The following EVL variants were observed in gnomAD, a reference collection of about 807,000 sequenced individuals.
EVL encodes Enah/Vasp-like.
A neutral mutation model predicts 59.6 loss-of-function variants in EVL; 21 were observed. The observed-to-expected ratio is 0.35, with a 90% confidence interval of 0.25 to 0.51. The LOEUF is 0.51. Among genes scored for constraint, EVL ranks in the 20% least tolerant of loss-of-function variants. EVL has a pLI of 0.97. For synonymous variants in EVL, 198 were observed against 203.5 expected, an observed-to-expected ratio of 0.97 and a Z score of 0.23; for missense variants, 462 against 546.6, an observed-to-expected ratio of 0.85 and a Z score of 1.54.
chr14:100,050,967 C>T (rs565452803), intron 1 of EVL, among the ~76,000 whole-genome samples: 3 of 149,746 alleles, frequency 2.0e-5, no homozygotes, highest in South Asian at 4.3e-4. Context: ...AGGCTGGTCT[C>T]GAACTCCTGC....
At chr14:100,083,963 A>G (rs1021201448) in intron 1 of EVL, among the ~76,000 whole-genome samples, 2 of 152,002 alleles carry the variant, frequency 1.3e-5, no homozygotes, top group Admixed American at 6.6e-5. Flanking sequence ...CTTTTTTCTC[A>G]TCTAAAAAAA....
At chr14:100,140,027 G>GCTCA in intron 11 of EVL, 1 of 152,246 alleles carries the variant, frequency 6.6e-6, no homozygotes, top group Non-Finnish European at 1.5e-5. Flanking sequence ...GCCGAGGCGG[G>GCTCA]AGGATCACTT....
Position 100,128,746 on chromosome 14 carries a change from C to A in EVL, c.715C>A (p.Arg239=). 1.9e-6 allele frequency: 3 copies of A among 1,603,678 alleles called. No individual in the cohort carries two copies. The highest frequency in any genetic ancestry group is 2.5e-6 in the Non-Finnish European group (3 of 1,179,470). ...IAGAKLRRVQ[R]PEDASGGSSP... Reference sequence around the variant, plus strand: ...TGGGGCCAAGCTGAGAAGAGTCCAACGGGTAAGAGCTCCTGTGTGCGGGGT... The same window carrying A: ...TGGGGCCAAGCTGAGAAGAGTCCAAAGGGTAAGAGCTCCTGTGTGCGGGGT... The change falls in exon 6 of 14, where the codon CGG becomes AGG. Residue 239 remains arginine (R), a splice_region_variant and synonymous_variant. Transcript: ENST00000392920.
At chr14:100,077,712 G>C (rs2062193978) in intron 1 of EVL, among the ~76,000 whole-genome samples, 1 of 152,162 alleles carries the variant, frequency 6.6e-6, no homozygotes, top group Admixed American at 6.5e-5. Flanking sequence ...CTAAATGGGG[G>C]CCTAGGGATT....
At chr14:100,100,784 C>CAAAA (rs60820079) in intron 3 of EVL, among the ~76,000 whole-genome samples, 2 of 47,672 alleles carry the variant, frequency 4.2e-5, no homozygotes, top group Admixed American at 2.2e-4. Flanking sequence ...GAGTCTGTCT[C>CAAAA]AAAAAAAAAA....
At chr14:99,993,547 T>G (rs1386998162) in intron 1 of EVL, among the ~76,000 whole-genome samples, 2 of 152,000 alleles carry the variant, frequency 1.3e-5, no homozygotes, top group African/African-American at 2.4e-5. Flanking sequence ...TTCGGAAGAG[T>G]TTGAGGATTG....
At position 100,127,692 on chromosome 14, in the gene EVL, G is replaced by A. The variant is rs760811032; in HGVS notation, c.488-827G>A. 4.6e-5 allele frequency among the ~76,000 whole-genome samples: 7 copies of A among 152,052 alleles called. No homozygotes were observed. Among genetic ancestry groups the A allele is most frequent in the African/African-American group, 7.3e-5 (3 of 41,370 alleles). ...TCACCTAACTGAACCCCTGCTCTCC[G>A]GTCGTGTCCCAGCTCCACAGTCACT... On this transcript the variant is annotated intron_variant, in intron 5 of 13. Coordinates refer to ENST00000392920, the MANE Select transcript of EVL (RefSeq NM_016337.3). This position sits in a 1 kb window ranked among gnomAD's most constrained non-coding sequence, Gnocchi z 4.2.
chr14:100,043,267 A>ATATATATATGTGTGTGTG (rs1365822780), intron 1 of EVL, among the ~76,000 whole-genome samples: 2 of 145,600 alleles, frequency 1.4e-5, no homozygotes, highest in Admixed American at 6.8e-5. Flanking sequence ...GTGTGTGTGT[A>ATATATATATGTGTGTGTG]TATATATATG....
intron 1 of EVL, among the ~76,000 whole-genome samples, chr14:100,045,350 C>T (rs1438058921): frequency 6.6e-6 from 1 of 152,286 alleles, no homozygotes; most frequent in African/African-American, 2.4e-5. Flanking sequence ...GCCTTGTTAT[C>T]GCACCTGCCA....
At chr14:100,102,686 C>T (rs1262374565) in intron 3 of EVL, among the ~76,000 whole-genome samples, 1 of 152,172 alleles carries the variant, frequency 6.6e-6, no homozygotes, top group African/African-American at 2.4e-5. Context: ...GTTTTTCTCC[C>T]ATGCTGGCCC....
chr14:100,031,136 TG>T (rs1301159584), intron 1 of EVL, among the ~76,000 whole-genome samples: 1 of 152,184 alleles, frequency 6.6e-6, no homozygotes, highest in Non-Finnish European at 1.5e-5. Context: ...ACTTTCAACT[TG>T]GGAAATCTAT....
rs1232657375 is a variant in EVL at position 99,972,438 on chromosome 14, C to T, written c.5+381C>T. ...CGCGAGGACCGAAGTTGGCGGAAGCCCCTGTGCGGTGCCTTCCAGCCCGGA... is the reference window on the plus strand; with the variant it reads ...CGCGAGGACCGAAGTTGGCGGAAGCTCCTGTGCGGTGCCTTCCAGCCCGGA... On this transcript the variant is annotated intron_variant, in intron 1 of 13. Transcript: ENST00000402714. The surrounding 1 kb of genome is among the most constrained non-coding windows in gnomAD (Gnocchi z 4.4). Among the ~76,000 whole-genome samples, 1 of 152,104 alleles carries T rather than the reference C, an allele frequency of 6.6e-6. No homozygotes were observed. The highest frequency in any genetic ancestry group is 2.4e-5 in the African/African-American group (1 of 41,420).
At chr14:100,028,069 A>G (rs1353483590) in intron 1 of EVL, among the ~76,000 whole-genome samples, 1 of 151,002 alleles carries the variant, frequency 6.6e-6, no homozygotes, top group African/African-American at 2.4e-5. Context: ...TTTTGGATAT[A>G]TATTTGACAG....
chr14:100,101,258 G>C (rs545322000), intron 3 of EVL, among the ~76,000 whole-genome samples: 1 of 152,302 alleles, frequency 6.6e-6, no homozygotes, highest in South Asian at 2.1e-4. Context: ...GCCAAGGCAG[G>C]CAGATCACCT....
intron 1 of EVL, among the ~76,000 whole-genome samples, chr14:99,973,527 A>G (rs1252097214): frequency 6.6e-6 from 1 of 152,154 alleles, no homozygotes; most frequent in Non-Finnish European, 1.5e-5. Flanking sequence ...CAGTGGTGCG[A>G]TCTCGGCTCA....
chr14:100,014,474 A>G (rs2061037240), intron 1 of EVL, among the ~76,000 whole-genome samples: 1 of 152,150 alleles, frequency 6.6e-6, no homozygotes, highest in South Asian at 2.1e-4. Context: ...ATTGTTTTTT[A>G]TGGTTGAATA....
chr14:100,125,876 G>T (rs1888041790), intron 4 of EVL, among the ~76,000 whole-genome samples: 1 of 152,048 alleles, frequency 6.6e-6, no homozygotes, highest in Non-Finnish European at 1.5e-5. Context: ...TTTAGTTAAG[G>T]CATACACCCT....
chr14:100,003,212 T>C (rs922429548), intron 1 of EVL, among the ~76,000 whole-genome samples: 42 of 152,206 alleles, frequency 2.8e-4, no homozygotes, highest in African/African-American at 9.9e-4. Context: ...GCCCTGCATC[T>C]CAGGAATGGA....
chr14:100,032,382 A>G (rs2061327301), intron 1 of EVL, among the ~76,000 whole-genome samples: 4 of 152,226 alleles, frequency 2.6e-5, no homozygotes, highest in Admixed American at 1.3e-4. Flanking sequence ...ATTCATGATT[A>G]TCAGATCCCT....
Sources: allele counts gnomAD v4.1 joint callset (sites outside exome capture counted in the v4.1 genomes callset), GRCh38; gene constraint gnomAD v4.1.1; non-coding constraint Gnocchi (gnomAD v3.1); transcripts MANE v1.5; gene names NCBI Gene and HGNC (gene_info 2026-07-23, HGNC 2026-07-21).